The following RIPOR2 variants were observed in gnomAD, a reference collection of about 807,000 sequenced individuals.
The protein encoded by RIPOR2 is RHO family interacting cell polarization regulator 2, also known as rho family-interacting cell polarization regulator 2.
In RIPOR2, 39 loss-of-function variants were observed where a neutral mutation model predicts 114.5. The ratio of observed to expected loss-of-function variants is 0.34; its 90% CI spans 0.26 to 0.44. The LOEUF (loss-of-function observed/expected upper bound fraction) is 0.44. Among genes scored for constraint, RIPOR2 ranks in the 20% least tolerant of loss-of-function variants. RIPOR2 has a pLI of 1.00. For synonymous variants in RIPOR2, 445 were observed against 484.4 expected (o/e 0.92, Z 1.07); for missense variants, 1,007 against 1,255.1 (o/e 0.80, Z 2.99).
intron 1 of RIPOR2, among the ~76,000 whole-genome samples, chr6:25,028,539 T>C (rs754070400): frequency 2.2e-4 from 33 of 152,184 alleles, no homozygotes; most frequent in Non-Finnish European, 3.4e-4. Flanking sequence ...ATTACCAACC[T>C]CATAGGGTTG....
chr6:24,934,940 C>T (rs572554231), intron 1 of RIPOR2, among the ~76,000 whole-genome samples: 2 of 152,002 alleles, frequency 1.3e-5, no homozygotes, highest in Admixed American at 6.5e-5. Context: ...TCCAGTATCC[C>T]GACTTGGGAA....
At chr6:24,896,466 T>C (rs1229898342) in intron 1 of RIPOR2, among the ~76,000 whole-genome samples, 2 of 152,158 alleles carry the variant, frequency 1.3e-5, no homozygotes, top group Admixed American at 6.5e-5. Flanking sequence ...TCAAAGGAGG[T>C]TGATTTCATG....
upstream of RIPOR2, among the ~76,000 whole-genome samples, chr6:24,940,668 CAG>C (rs1234289700): frequency 1.3e-5 from 2 of 150,818 alleles, no homozygotes; most frequent in African/African-American, 4.9e-5. Flanking sequence ...TTTTTTGAAA[CAG>C]AGTCTGTCTC....
At chr6:24,892,350 A>G (rs556860977) in intron 1 of RIPOR2, among the ~76,000 whole-genome samples, 14 of 152,068 alleles carry the variant, frequency 9.2e-5, no homozygotes, top group Non-Finnish European at 1.9e-4. Flanking sequence ...AGCTCACTAA[A>G]GCCTGGAACT....
At chr6:24,839,960 TTTTTTTTGA>T in intron 13 of RIPOR2, 1 of 599,118 alleles carries the variant, frequency 1.7e-6, no homozygotes, top group Non-Finnish European at 2.0e-6. Context: ...TTTTTTTTTT[TTTTTTTTGA>T]GACAAGGTCT....
chr6:24,830,580 C>G lies in RIPOR2; in HGVS notation c.2435G>C (p.Arg812Thr). 4.5e-6 allele frequency: 7 copies of G among 1,551,594 alleles called. No homozygotes were observed. Among genetic ancestry groups the G allele is most frequent in the Non-Finnish European group, 6.1e-6 (7 of 1,146,994 alleles). Residue 812 changes from arginine (R) to threonine (T), a missense_variant, in exon 17 of 22, where the codon AGA (arginine) becomes ACA (threonine). Arg to Thr is a moderately conservative substitution (Grantham distance 71). Coordinates refer to ENST00000643898, the MANE Select transcript of RIPOR2 (RefSeq NM_001286445.3). ...PVGVYHSPAD[R>T]VMKQLEASFA... ...GCTGGCCTCCAGCTGCTTCATCACTCTGTCCGCTGGGCTGTGGTAGACACC... is the reference window on the plus strand; with the variant it reads ...GCTGGCCTCCAGCTGCTTCATCACTGTGTCCGCTGGGCTGTGGTAGACACC...
At chr6:24,833,139 C>T (rs1760814654) in intron 15 of RIPOR2, among the ~76,000 whole-genome samples, 1 of 152,180 alleles carries the variant, frequency 6.6e-6, no homozygotes, top group Admixed American at 6.5e-5. Context: ...CTTTCTGTGT[C>T]TCAGAGACCT....
intron 19 of RIPOR2, among the ~76,000 whole-genome samples, chr6:24,821,746 A>C (rs540389382): frequency 7.2e-5 from 11 of 152,206 alleles, no homozygotes; most frequent in Admixed American, 1.3e-4. Flanking sequence ...CCTCCAGTAC[A>C]AAAGGAACAA....
chr6:24,958,958 C>CTTTTCTTTTTT (rs1554124804), intron 1 of RIPOR2, among the ~76,000 whole-genome samples: 3 of 123,222 alleles, frequency 2.4e-5, no homozygotes, highest in African/African-American at 1.1e-4. Flanking sequence ...TCTACATTTT[C>CTTTTCTTTTTT]TTTTTTTTTT....
intron 1 of RIPOR2, among the ~76,000 whole-genome samples, chr6:24,948,595 A>C (rs1384136830): frequency 6.6e-6 from 1 of 151,374 alleles, no homozygotes; most frequent in Non-Finnish European, 1.5e-5. Context: ...GCAATGGCAC[A>C]ATCTCGGTTC....
At chr6:24,898,850 A>AG (rs1562328315) in intron 1 of RIPOR2, among the ~76,000 whole-genome samples, 1 of 152,196 alleles carries the variant, frequency 6.6e-6, no homozygotes, top group African/African-American at 2.4e-5. Flanking sequence ...CGTCATAACA[A>AG]AAACATATTT....
At chr6:24,962,601 A>G (rs575952477) in intron 1 of RIPOR2, among the ~76,000 whole-genome samples, 135 of 151,462 alleles carry the variant, frequency 8.9e-4, no homozygotes, top group African/African-American at 3.2e-3. Context: ...GGTAACATGT[A>G]TTGTCTAGGA....
At chr6:24,854,160 A>ATT (rs1268642390) in intron 8 of RIPOR2, among the ~76,000 whole-genome samples, 4 of 151,970 alleles carry the variant, frequency 2.6e-5, no homozygotes, top group Non-Finnish European at 5.9e-5. Flanking sequence ...CACACAGTAA[A>ATT]TTGATATGCA....
chr6:24,916,839 C>G (rs1770114467), intron 1 of RIPOR2, among the ~76,000 whole-genome samples: 1 of 152,122 alleles, frequency 6.6e-6, no homozygotes, highest in Non-Finnish European at 1.5e-5. Flanking sequence ...AATGAATGTC[C>G]CGGAGGTTCA....
At chr6:24,998,831 A>G (rs146084778) in intron 1 of RIPOR2, among the ~76,000 whole-genome samples, 16 of 152,232 alleles carry the variant, frequency 1.1e-4, no homozygotes, top group Non-Finnish European at 1.6e-4. Flanking sequence ...GAGAGTTGAC[A>G]ATGGCACGGG....
intron 1 of RIPOR2, chr6:25,015,277 A>G (rs1208619243): frequency 6.6e-6 from 1 of 152,262 alleles, no homozygotes; most frequent in Non-Finnish European, 1.5e-5. Context: ...ATTGTCTGGC[A>G]AAGTCTGATA....
chr6:24,915,720 G>A (rs1384373746), intron 1 of RIPOR2, among the ~76,000 whole-genome samples: 1 of 152,208 alleles, frequency 6.6e-6, no homozygotes, highest in African/African-American at 2.4e-5. Flanking sequence ...ATCACCCTGG[G>A]AAGGAATTTA....
At chr6:24,925,954 A>T (rs1770832644) in intron 1 of RIPOR2, among the ~76,000 whole-genome samples, 1 of 152,206 alleles carries the variant, frequency 6.6e-6, no homozygotes, top group East Asian at 1.9e-4. Flanking sequence ...TTTACACACA[A>T]ATACACATAA....
At chr6:24,849,408 G>C (rs1238216572) in intron 11 of RIPOR2, among the ~76,000 whole-genome samples, 1 of 152,210 alleles carries the variant, frequency 6.6e-6, no homozygotes, top group East Asian at 1.9e-4. Flanking sequence ...GCATCCGTGA[G>C]AATCAGGATT....
Sources: gnomAD v4.1 joint callset for allele counts (sites outside exome capture counted in the v4.1 genomes callset) on GRCh38, gnomAD v4.1.1 for gene constraint, MANE v1.5 for transcripts, NCBI Gene and HGNC (gene_info 2026-07-23, HGNC 2026-07-21) for gene names.